Variants in CWC27 observed in about 807,000 individuals in gnomAD.
CWC27 encodes the protein CWC27 spliceosome associated cyclophilin.
CWC27 carries 47 observed loss-of-function variants against 63.6 expected under a neutral mutation model. The ratio of observed to expected loss-of-function variants is 0.74; its 90% CI spans 0.58 to 0.94. The LOEUF (loss-of-function observed/expected upper bound fraction) is 0.94, where lower values mean the gene tolerates loss of function less well. Ranked by LOEUF, CWC27 falls within the 40% of genes least tolerant of loss-of-function variation. CWC27 has a pLI of 0.00. For missense variants in CWC27, 495 were observed against 554.3 expected (o/e 0.89, Z 1.07); for synonymous variants, 175 against 179.8 (o/e 0.97, Z 0.22).
At chr5:64,827,142 A>G (rs999772038) in intron 10 of CWC27, among the ~76,000 whole-genome samples, 2 of 152,156 alleles carry the variant, frequency 1.3e-5, no homozygotes, top group African/African-American at 2.4e-5. Context: ...TAAATAACAT[A>G]CTTGATATTT....
chr5:64,827,916 AG>A lies in CWC27; in HGVS notation c.938+23531del, dbSNP rs539760533. On this transcript the variant is annotated intron_variant, in intron 10 of 13. Transcript: ENST00000381070. ...ATCCTGCTTTGTGCTGCCCAAGATA[AG>A]AATCGTTCCTTTGTGCAATGTATCC... Among the ~76,000 whole-genome samples, 3 of 152,284 alleles carry A rather than the reference AG, an allele frequency of 2.0e-5. No homozygotes were observed. The South Asian group carries it at 6.2e-4, about 32-fold the overall frequency.
intron 10 of CWC27, among the ~76,000 whole-genome samples, chr5:64,828,922 G>A (rs149105021): frequency 1.2e-3 from 185 of 152,150 alleles, no homozygotes; most frequent in African/African-American, 4.3e-3. Context: ...AGGGCAGGAA[G>A]CCACCTAGAG....
chr5:64,951,676 A>G (rs967580572), intron 11 of CWC27, among the ~76,000 whole-genome samples: 2 of 151,958 alleles, frequency 1.3e-5, no homozygotes, highest in African/African-American at 4.8e-5. Flanking sequence ...TGCAACCACT[A>G]ATCTACTTTC....
At chr5:64,793,341 A>G (rs755741162) in intron 7 of CWC27, among the ~76,000 whole-genome samples, 1 of 152,178 alleles carries the variant, frequency 6.6e-6, no homozygotes, top group Non-Finnish European at 1.5e-5. Flanking sequence ...GCTTTATGTA[A>G]TGGACAAGTA....
chr5:64,871,055 G>T (rs7733752), intron 10 of CWC27, among the ~76,000 whole-genome samples: 55,120 of 151,576 alleles, frequency 0.36, 10,594 homozygotes, highest in East Asian at 0.51. Context: ...GAACTGAATT[G>T]TTTTTCATAC....
At chr5:65,012,663 A>G (rs926060135) in intron 13 of CWC27, among the ~76,000 whole-genome samples, 5 of 152,200 alleles carry the variant, frequency 3.3e-5, no homozygotes, top group African/African-American at 1.2e-4. Context: ...CAAATCACAT[A>G]TATCAGAAAT....
chr5:64,981,532 G>T (rs372790464), intron 13 of CWC27, among the ~76,000 whole-genome samples: 2 of 152,168 alleles, frequency 1.3e-5, no homozygotes, highest in East Asian at 3.9e-4. Context: ...CTATGTCATT[G>T]CCCATTTTCT....
chr5:64,985,968 G>A (rs1428586479), intron 13 of CWC27, among the ~76,000 whole-genome samples: 2 of 152,102 alleles, frequency 1.3e-5, no homozygotes, highest in Non-Finnish European at 2.9e-5. Context: ...GCAGGACCAG[G>A]TGGAGGTGAT....
chr5:64,941,248 A>G (rs1187379411), intron 11 of CWC27, among the ~76,000 whole-genome samples: 3 of 152,294 alleles, frequency 2.0e-5, no homozygotes, highest in East Asian at 3.9e-4. Flanking sequence ...TCATATTTAG[A>G]AAATCAAGAT....
At chr5:64,982,366 C>T (rs754050297) in intron 13 of CWC27, among the ~76,000 whole-genome samples, 14 of 152,022 alleles carry the variant, frequency 9.2e-5, no homozygotes, top group Admixed American at 2.0e-4. Flanking sequence ...CTCTGTTGCC[C>T]GGGCTGGAGT....
At chr5:64,779,398 T>C (rs1308475272) in intron 2 of CWC27, among the ~76,000 whole-genome samples, 1 of 152,212 alleles carries the variant, frequency 6.6e-6, no homozygotes, top group Non-Finnish European at 1.5e-5. Context: ...AATAATAGCT[T>C]TTGTTTATTC....
intron 11 of CWC27, among the ~76,000 whole-genome samples, chr5:64,939,682 C>T (rs1238676680): frequency 6.6e-6 from 1 of 152,212 alleles, no homozygotes; most frequent in Non-Finnish European, 1.5e-5. Context: ...AGCCAGCAGG[C>T]AGAAACATTT....
At chr5:64,783,284 C>T (rs970812509) in intron 3 of CWC27, among the ~76,000 whole-genome samples, 1 of 152,162 alleles carries the variant, frequency 6.6e-6, no homozygotes, top group Non-Finnish European at 1.5e-5. Flanking sequence ...AAGGCTTGTT[C>T]CTGCTCTTTT....
At chr5:64,888,140 G>A (rs985409200) in intron 11 of CWC27, among the ~76,000 whole-genome samples, 6 of 151,818 alleles carry the variant, frequency 4.0e-5, no homozygotes, top group Non-Finnish European at 7.4e-5. Context: ...GAAGTATCTT[G>A]TGGTACCAGA....
intron 11 of CWC27, among the ~76,000 whole-genome samples, chr5:64,958,179 T>C (rs922162395): frequency 3.3e-5 from 5 of 152,152 alleles, no homozygotes; most frequent in African/African-American, 1.2e-4. Flanking sequence ...TAAAACTATA[T>C]TAAGGATACA....
At chr5:64,804,832 T>G (rs921049839) in intron 10 of CWC27, 6 of 152,918 alleles carry the variant, frequency 3.9e-5, no homozygotes, top group African/African-American at 1.4e-4. Flanking sequence ...TTTTCAAGTC[T>G]GATTTACCAA....
Position 64,800,298 on chromosome 5 carries a change from A to G in CWC27, c.720A>G (p.Pro240=). 6.2e-7 allele frequency: 1 copy of G among 1,612,416 alleles called. No individual in the cohort carries two copies. The highest frequency in any genetic ancestry group is 8.5e-7 in the Non-Finnish European group (1 of 1,178,924). ...GTCATGACTTGCTTAAGGATGATCC[A>G]CATCTCAGTTCTGTTCCAGTTGTAG... ...KSSHDLLKDD[P]HLSSVPVVES... Residue 240 remains proline, a synonymous_variant, in exon 8 of 14, where the codon CCA becomes CCG. Coordinates refer to ENST00000381070, the MANE Select transcript of CWC27 (RefSeq NM_005869.4).
At chr5:64,945,920 A>C (rs1031453757) in intron 11 of CWC27, among the ~76,000 whole-genome samples, 1 of 152,156 alleles carries the variant, frequency 6.6e-6, no homozygotes, top group Non-Finnish European at 1.5e-5. Flanking sequence ...GGTTTTTTCT[A>C]TATCTTGAAT....
intron 13 of CWC27, among the ~76,000 whole-genome samples, chr5:64,982,554 A>G (rs551680259): frequency 6.6e-6 from 1 of 152,016 alleles, no homozygotes; most frequent in African/African-American, 2.4e-5. Flanking sequence ...TCCTGGCCTC[A>G]AATGATCTTC....
Sources: gnomAD v4.1 joint callset for allele counts (sites outside exome capture counted in the v4.1 genomes callset) on GRCh38, gnomAD v4.1.1 for gene constraint, MANE v1.5 for transcripts, NCBI Gene and HGNC (gene_info 2026-07-23, HGNC 2026-07-21) for gene names.